PPP2R2A: variants seen among roughly 807,000 people sequenced by gnomAD.
PPP2R2A encodes the protein serine/threonine-protein phosphatase 2A 55 kDa regulatory subunit B alpha isoform.
Under a neutral mutation model 53.2 loss-of-function variants are expected in PPP2R2A, and 9 were observed. The ratio of observed to expected loss-of-function variants is 0.17; its 90% CI spans 0.10 to 0.30. PPP2R2A has a LOEUF of 0.30. Ranked by LOEUF, PPP2R2A falls within the 10% of genes least tolerant of loss-of-function variation. The pLI, the probability that PPP2R2A is intolerant of heterozygous loss-of-function variation, is 1.00. For missense variants in PPP2R2A, 235 were observed against 534.6 expected (o/e 0.44, Z 5.53); for synonymous variants, 169 against 174.2 (o/e 0.97, Z 0.23).
chr8:26,324,185 G>A (rs1189643177), intron 2 of PPP2R2A, among the ~76,000 whole-genome samples: 2 of 152,096 alleles, frequency 1.3e-5, no homozygotes, highest in Non-Finnish European at 2.9e-5. Context: ...TCTTCATTTT[G>A]GTTTCTGCCT....
intron 2 of PPP2R2A, among the ~76,000 whole-genome samples, chr8:26,326,823 G>T (rs1164182570): frequency 6.6e-6 from 1 of 152,150 alleles, no homozygotes; most frequent in Non-Finnish European, 1.5e-5. Flanking sequence ...TTTAAGTCTA[G>T]AATGCTCAAT....
Position 26,361,110 on chromosome 8 carries a change from G to A in PPP2R2A, c.596G>A (p.Arg199Gln), listed in dbSNP as rs759228133. The A allele has an allele frequency of 5.6e-6, 9 of 1,596,924 alleles. No homozygotes were observed. The highest frequency in any genetic ancestry group is 3.7e-5 in the Admixed American group (2 of 54,160). ...YETYLSADDL[R>Q]INLWHLEITD... is the part of the protein sequence containing the mutation. ...ACATATTTATCTGCAGATGATTTGC[G>A]GATTAATCTTTGGCATCTGGAAATT... Residue 199 changes from arginine to glutamine, a missense_variant, in exon 6 of 10, where the codon CGG (arginine) becomes CAG (glutamine). By Grantham distance (43) the Arg-to-Gln change is conservative. This residue lies in a region of PPP2R2A where 181 missense variants were observed against 409.9 expected (regional missense o/e 0.44). Transcript: ENST00000380737.
intron 3 of PPP2R2A, among the ~76,000 whole-genome samples, chr8:26,341,908 T>C (rs1803962442): frequency 6.6e-6 from 1 of 152,210 alleles, no homozygotes; most frequent in African/African-American, 2.4e-5. Flanking sequence ...CCTCATTTAT[T>C]TTACCCTTCA....
At chr8:26,316,068 G>C (rs1376776138) in intron 2 of PPP2R2A, among the ~76,000 whole-genome samples, 1 of 152,142 alleles carries the variant, frequency 6.6e-6, no homozygotes, top group East Asian at 1.9e-4. Flanking sequence ...ACAACGGTGC[G>C]ACCTCGGCTC....
intron 1 of PPP2R2A, chr8:26,292,966 C>T (rs1019280024): frequency 4.7e-5 from 18 of 384,648 alleles, no homozygotes; most frequent in Non-Finnish European, 7.4e-5. Context: ...GCTTGTTGGC[C>T]TTGTTGAAAA....
At chr8:26,325,447 T>C (rs1803040347) in intron 2 of PPP2R2A, among the ~76,000 whole-genome samples, 1 of 152,186 alleles carries the variant, frequency 6.6e-6, no homozygotes, top group South Asian at 2.1e-4. Context: ...ATTAAACCTC[T>C]TTTTCTTCCC....
chr8:26,339,695 T>C (rs927577008), intron 3 of PPP2R2A, among the ~76,000 whole-genome samples: 1 of 152,146 alleles, frequency 6.6e-6, no homozygotes, highest in Non-Finnish European at 1.5e-5. Context: ...CATTTGTAGA[T>C]CAGAGTTTAA....
intron 3 of PPP2R2A, among the ~76,000 whole-genome samples, chr8:26,351,497 AAC>A: frequency 6.6e-6 from 1 of 152,356 alleles, no homozygotes; most frequent in East Asian, 1.9e-4. Flanking sequence ...CATACTGGAC[AAC>A]ACAGATACAG....
At chr8:26,312,005 T>C (rs545029709) in intron 2 of PPP2R2A, among the ~76,000 whole-genome samples, 1 of 150,432 alleles carries the variant, frequency 6.6e-6, no homozygotes, top group Admixed American at 6.7e-5. Context: ...TAGGGCAACG[T>C]TGTAAATAGC....
Position 26,362,469 on chromosome 8 carries a change from C to T in PPP2R2A, c.638-215C>T, listed in dbSNP as rs1434256731. 6.6e-6 allele frequency among the ~76,000 whole-genome samples: 1 copy of T among 152,010 alleles called. No individual in the cohort carries two copies. The highest frequency in any genetic ancestry group is 1.5e-5 in the Non-Finnish European group (1 of 68,020). ...GCAGTGAGCCGAGATTGCGCCACTG[C>T]ACTCCAGCCTGGGTGACAGAGTGAA... On this transcript the variant is annotated intron_variant, in intron 6 of 9. Transcript: ENST00000380737. The surrounding 1 kb of genome is among the most constrained non-coding windows in gnomAD (Gnocchi z 4.4).
intron 2 of PPP2R2A, among the ~76,000 whole-genome samples, chr8:26,309,058 A>G (rs1802155275): frequency 6.6e-6 from 1 of 152,036 alleles, no homozygotes. Flanking sequence ...TTGGGGTTTC[A>G]ATGTGTTGTC....
chr8:26,369,509 G>A (rs962316739), intron 9 of PPP2R2A, among the ~76,000 whole-genome samples: 1 of 152,062 alleles, frequency 6.6e-6, no homozygotes, highest in African/African-American at 2.4e-5. Flanking sequence ...TCCTGCCTCA[G>A]CCTCCCGAGT....
chr8:26,297,910 T>C (rs898771882), intron 2 of PPP2R2A, among the ~76,000 whole-genome samples: 18 of 152,244 alleles, frequency 1.2e-4, no homozygotes, highest in Non-Finnish European at 2.1e-4. Flanking sequence ...GTGTTATACA[T>C]ACTCTTTGAT....
intron 2 of PPP2R2A, among the ~76,000 whole-genome samples, chr8:26,327,744 G>T (rs1057314310): frequency 6.6e-6 from 1 of 152,132 alleles, no homozygotes; most frequent in Non-Finnish European, 1.5e-5. Flanking sequence ...GGAAGAAATT[G>T]GTGCCTTTGA....
intron 4 of PPP2R2A, among the ~76,000 whole-genome samples, chr8:26,358,445 A>G (rs538847478): frequency 6.6e-6 from 1 of 152,238 alleles, no homozygotes; most frequent in Non-Finnish European, 1.5e-5. Context: ...GTATGACTGA[A>G]CTACAAGAAA....
At chr8:26,356,178 A>G (rs1043176016) in intron 4 of PPP2R2A, among the ~76,000 whole-genome samples, 1 of 152,232 alleles carries the variant, frequency 6.6e-6, no homozygotes, top group Non-Finnish European at 1.5e-5. Flanking sequence ...GACCATAAAC[A>G]TTTGCAGAAT....
chr8:26,308,140 A>G (rs776071254), intron 2 of PPP2R2A, among the ~76,000 whole-genome samples: 1 of 152,376 alleles, frequency 6.6e-6, no homozygotes, highest in East Asian at 1.9e-4. Context: ...TAAAAAGTAC[A>G]TTATTGCTAA....
intron 9 of PPP2R2A, among the ~76,000 whole-genome samples, chr8:26,366,649 A>G (rs112052020): frequency 1.6e-4 from 25 of 152,274 alleles, no homozygotes; most frequent in African/African-American, 5.8e-4. Context: ...TTTATGAACC[A>G]GATCACATTT....
intron 2 of PPP2R2A, among the ~76,000 whole-genome samples, chr8:26,296,909 C>T (rs1801567318): frequency 6.6e-6 from 1 of 152,078 alleles, no homozygotes; most frequent in South Asian, 2.1e-4. Flanking sequence ...TGTTATACAA[C>T]CGTATAATGC....
Sources: gnomAD v4.1 joint callset for allele counts (sites outside exome capture counted in the v4.1 genomes callset) on GRCh38, gnomAD v4.1.1 for gene constraint, gnomAD v4.1.1 regional missense constraint, Gnocchi (gnomAD v3.1) non-coding constraint, MANE v1.5 for transcripts, NCBI Gene and HGNC (gene_info 2026-07-23, HGNC 2026-07-21) for gene names.